The following COLGALT1 variants were observed in gnomAD, a reference collection of about 807,000 sequenced individuals.
The protein encoded by COLGALT1 is procollagen galactosyltransferase 1.
In COLGALT1, 43 loss-of-function variants were observed where a neutral mutation model predicts 60.8. The ratio of observed to expected loss-of-function variants is 0.71; its 90% CI spans 0.55 to 0.91. The LOEUF (loss-of-function observed/expected upper bound fraction) is 0.91. Among genes scored for constraint, COLGALT1 ranks in the 40% least tolerant of loss-of-function variants. The probability of loss-of-function intolerance (pLI) is 0.00; values close to 1 mark genes in which losing one functional copy is unlikely to be tolerated. For synonymous variants in COLGALT1, 369 were observed against 374.2 expected (o/e 0.99, Z 0.16); for missense variants, 845 against 880.0 (o/e 0.96, Z 0.50).
rs572820948 is a variant in COLGALT1 at position 17,575,341 on chromosome 19, G to A, written c.950-1854G>A. On this transcript the variant is annotated intron_variant, in intron 6 of 11. Coordinates refer to ENST00000252599, the MANE Select transcript of COLGALT1 (RefSeq NM_024656.4). ...GCTCACTGCAAGCTCCGCTTCCTGGGTTCACGCCATTCTCCTGCCTCAGCC... is the reference window on the plus strand; with the variant it reads ...GCTCACTGCAAGCTCCGCTTCCTGGATTCACGCCATTCTCCTGCCTCAGCC... 2.0e-5 allele frequency among the ~76,000 whole-genome samples: 3 copies of A among 152,258 alleles called. No homozygotes were observed. The South Asian group carries it at 6.2e-4, about 32-fold the overall frequency.
intron 4 of COLGALT1, 145 bp downstream of exon 4, chr19:17,567,685 C>A: frequency 1.1e-6 from 1 of 876,882 alleles, no homozygotes; most frequent in Non-Finnish European, 1.7e-6. Flanking sequence ...ACACCTGTAA[C>A]CCCAGCACTT....
intron 3 of COLGALT1, among the ~76,000 whole-genome samples, chr19:17,562,266 C>T (rs967726293): frequency 6.6e-6 from 1 of 152,196 alleles, no homozygotes; most frequent in Non-Finnish European, 1.5e-5. Context: ...AGAGGTCCAA[C>T]TACACAGGCC....
chr19:17,567,689 A>G, intron 4 of COLGALT1, 149 bp downstream of exon 4: 1 of 850,406 alleles, frequency 1.2e-6, no homozygotes, highest in Non-Finnish European at 1.8e-6. Context: ...CTGTAACCCC[A>G]GCACTTTGGG....
chr19:17,564,188 C>A (rs1205283737), intron 3 of COLGALT1, among the ~76,000 whole-genome samples: 1 of 151,814 alleles, frequency 6.6e-6, no homozygotes, highest in Non-Finnish European at 1.5e-5. Flanking sequence ...TAGGAGGCTG[C>A]AATCAGCCAT....
At chr19:17,558,207 G>A (rs936604602) in intron 1 of COLGALT1, among the ~76,000 whole-genome samples, 2 of 151,666 alleles carry the variant, frequency 1.3e-5, no homozygotes, top group African/African-American at 4.8e-5. Flanking sequence ...CCAAAGTGCT[G>A]GAATTACAAG....
At chr19:17,579,184 AAAAAG>A (rs1462970311) in intron 9 of COLGALT1, among the ~76,000 whole-genome samples, 2 of 151,294 alleles carry the variant, frequency 1.3e-5, no homozygotes, top group Non-Finnish European at 2.9e-5. Flanking sequence ...AAAAAAAAAG[AAAAAG>A]AAAAGAAAAA....
chr19:17,577,949 C>T lies in COLGALT1; in HGVS notation c.1134-8C>T, dbSNP rs2076354601. 1 of 1,600,268 alleles carries T rather than the reference C, an allele frequency of 6.2e-7. No individual in the cohort carries two copies. The highest frequency in any genetic ancestry group is 8.5e-7 in the Non-Finnish European group (1 of 1,172,406). On this transcript the variant is annotated splice_polypyrimidine_tract_variant and splice_region_variant and intron_variant, in intron 8 of 11. Transcript: ENST00000252599. ...CCTTCTTCGTGACCCTCTCCTCCTCCTCTCCAGAGCCATGAACACCAGCCA... is the reference window on the plus strand; with the variant it reads ...CCTTCTTCGTGACCCTCTCCTCCTCTTCTCCAGAGCCATGAACACCAGCCA...
At chr19:17,573,422 G>A (rs1257891339) in intron 6 of COLGALT1, among the ~76,000 whole-genome samples, 14 of 152,200 alleles carry the variant, frequency 9.2e-5, no homozygotes. Flanking sequence ...CCAGCTACTT[G>A]GGAGGCTGAG....
At chr19:17,573,520 T>C (rs2076324398) in intron 6 of COLGALT1, among the ~76,000 whole-genome samples, 1 of 150,874 alleles carries the variant, frequency 6.6e-6, no homozygotes, top group African/African-American at 2.4e-5. Context: ...AGAGTGAAAC[T>C]CCGTCTCAAA....
chr19:17,580,418 T>C, intron 10 of COLGALT1: 1 of 502,790 alleles, frequency 2.0e-6, no homozygotes, highest in Non-Finnish European at 3.6e-6. Context: ...TCCTCTGAAC[T>C]CAGAGCAGCT....
rs2076382617 is a variant in COLGALT1, at chr19:17,581,502, T to C, written c.*58T>C. The C allele has an allele frequency of 6.4e-7, 1 of 1,560,168 alleles. No homozygotes were observed. On this transcript the variant is annotated 3_prime_UTR_variant, in exon 12 of 12. Coordinates refer to ENST00000252599, the MANE Select transcript of COLGALT1 (RefSeq NM_024656.4). ...GGTGGCCCAGGCTCCACGTGCTTAC[T>C]GAGGACATCAGGTCCACCTCTGGAC...
intron 5 of COLGALT1, among the ~76,000 whole-genome samples, chr19:17,569,358 T>C (rs566509279): frequency 1.4e-4 from 21 of 152,288 alleles, no homozygotes; most frequent in African/African-American, 5.0e-4. Flanking sequence ...ATAATATACA[T>C]TGAACCCGTT....
chr19:17,571,772 T>G (rs2076314101), intron 5 of COLGALT1: 1 of 152,042 alleles, frequency 6.6e-6, no homozygotes, highest in Non-Finnish European at 1.5e-5. Flanking sequence ...AGGATAGATG[T>G]AGAAGGAAGT....
At chr19:17,557,912 A>G (rs1315240950) in intron 1 of COLGALT1, among the ~76,000 whole-genome samples, 3 of 151,606 alleles carry the variant, frequency 2.0e-5, no homozygotes, top group Non-Finnish European at 4.4e-5. Context: ...GGTTTCTGAT[A>G]TATACATTTC....
intron 3 of COLGALT1, chr19:17,566,078 A>T (rs2076278192): frequency 6.6e-6 from 1 of 152,180 alleles, no homozygotes; most frequent in Admixed American, 6.5e-5. Flanking sequence ...AAGAAAAAAA[A>T]TCCAGACCGG....
intron 1 of COLGALT1, among the ~76,000 whole-genome samples, chr19:17,558,022 C>T (rs1490830578): frequency 1.3e-5 from 2 of 152,048 alleles, no homozygotes; most frequent in Non-Finnish European, 2.9e-5. Context: ...ACTGCAACCT[C>T]CTCCTCCCAG....
chr19:17,580,281 T>C lies in COLGALT1; in HGVS notation c.1395-418T>C. The C allele has an allele frequency of 1.3e-5, 3 of 236,326 alleles. No individual in the cohort carries two copies. In the South Asian group the frequency reaches 1.8e-4, roughly 14 times the overall value. 14.6% of individuals were successfully genotyped at this position (236,326 alleles called of 1,614,324 possible). On this transcript the variant is annotated intron_variant, in intron 10 of 11. Coordinates refer to ENST00000252599, the MANE Select transcript of COLGALT1 (RefSeq NM_024656.4). ...TGTCCTCTCCCTTCCTCCATCTCTT[T>C]TTTCCCTTCCATGTGCAGTGCCCTA...
intron 9 of COLGALT1, among the ~76,000 whole-genome samples, chr19:17,578,332 T>C (rs2076357740): frequency 1.3e-5 from 2 of 152,162 alleles, no homozygotes; most frequent in South Asian, 2.1e-4. Context: ...TGAGCCCTTT[T>C]GAGCAGCAGG....
chr19:17,572,125 CATG>C (rs2076316309), intron 5 of COLGALT1, among the ~76,000 whole-genome samples: 1 of 151,920 alleles, frequency 6.6e-6, no homozygotes, highest in African/African-American at 2.4e-5. Context: ...TCCTGGCTAA[CATG>C]ATGAAACCCC....
Sources: gnomAD v4.1 joint callset for allele counts (sites outside exome capture counted in the v4.1 genomes callset) on GRCh38, gnomAD v4.1.1 for gene constraint, MANE v1.5 for transcripts, NCBI Gene and HGNC (gene_info 2026-07-23, HGNC 2026-07-21) for gene names.